TMC1: variants seen among roughly 807,000 people sequenced by gnomAD.
The protein encoded by TMC1 is transmembrane channel-like protein 1.
In TMC1, 84 loss-of-function variants were observed where a neutral mutation model predicts 105.8. The ratio of observed to expected loss-of-function variants is 0.79; its 90% CI spans 0.67 to 0.95. The LOEUF (loss-of-function observed/expected upper bound fraction) is 0.95, where lower values mean the gene tolerates loss of function less well. TMC1 is among the 40% of genes least tolerant of loss of function. The pLI is 0.00. For missense variants in TMC1, 817 were observed against 914.1 expected (o/e 0.89, Z 1.37); for synonymous variants, 315 against 311.5 (o/e 1.01, Z -0.12).
At chr9:72,544,890 CT>C (rs1222926771) in intron 1 of TMC1, among the ~76,000 whole-genome samples, 1 of 151,536 alleles carries the variant, frequency 6.6e-6, no homozygotes, top group Non-Finnish European at 1.5e-5. Context: ...CACCCATCAC[CT>C]GAGCAGCGTA....
At chr9:72,743,020 G>C (rs1341195056) in intron 10 of TMC1, among the ~76,000 whole-genome samples, 1 of 151,932 alleles carries the variant, frequency 6.6e-6, no homozygotes, top group African/African-American at 2.4e-5. Context: ...CAGATCACTT[G>C]AGGTCAGGAG....
intron 8 of TMC1, among the ~76,000 whole-genome samples, chr9:72,727,570 C>A (rs1250185433): frequency 1.3e-5 from 2 of 151,840 alleles, no homozygotes; most frequent in Non-Finnish European, 2.9e-5. Context: ...TAAAAATATT[C>A]CCACAGTAAA....
chr9:72,538,864 T>A (rs1823630043), intron 1 of TMC1, among the ~76,000 whole-genome samples: 1 of 152,198 alleles, frequency 6.6e-6, no homozygotes, highest in Non-Finnish European at 1.5e-5. Context: ...TCATATGATC[T>A]CTGTTTTAAT....
intron 1 of TMC1, among the ~76,000 whole-genome samples, chr9:72,574,342 A>G (rs1824338483): frequency 6.6e-6 from 1 of 152,204 alleles, no homozygotes; most frequent in Non-Finnish European, 1.5e-5. Context: ...TGGGCGCCCA[A>G]GCTCTTGGCT....
chr9:72,775,239 A>C (rs577139838), intron 13 of TMC1, among the ~76,000 whole-genome samples: 31 of 148,498 alleles, frequency 2.1e-4, no homozygotes, highest in African/African-American at 7.5e-4. Flanking sequence ...TCCTCCCTTC[A>C]TTCATTTCTT....
At chr9:72,569,661 G>C (rs1414520795) in intron 1 of TMC1, among the ~76,000 whole-genome samples, 1 of 152,150 alleles carries the variant, frequency 6.6e-6, no homozygotes, top group Non-Finnish European at 1.5e-5. Flanking sequence ...GGGAGATGAC[G>C]GGGCTACAGT....
At chr9:72,699,956 CAAAAAAAAAAAA>C (rs61062887) in intron 7 of TMC1, among the ~76,000 whole-genome samples, 2 of 46,582 alleles carry the variant, frequency 4.3e-5, no homozygotes, top group Non-Finnish European at 8.3e-5. Context: ...GACTCTGTCT[CAAAAAAAAAAAA>C]AAAAAAAAAA....
intron 17 of TMC1, among the ~76,000 whole-genome samples, chr9:72,795,726 G>A (rs1490150612): frequency 6.6e-6 from 1 of 152,046 alleles, no homozygotes; most frequent in Admixed American, 6.6e-5. Flanking sequence ...ACACTGTAAA[G>A]CAACCATACA....
intron 1 of TMC1, among the ~76,000 whole-genome samples, chr9:72,527,955 T>TG (rs1478193282): frequency 6.6e-6 from 1 of 152,172 alleles, no homozygotes; most frequent in African/African-American, 2.4e-5. Flanking sequence ...CCTGTTTTCT[T>TG]GCGATACTTC....
At chr9:72,749,483 G>A (rs1003946068) in intron 10 of TMC1, among the ~76,000 whole-genome samples, 3 of 152,086 alleles carry the variant, frequency 2.0e-5, no homozygotes, top group African/African-American at 7.2e-5. Flanking sequence ...TGTAGATAAC[G>A]GCCATGAAAT....
chr9:72,817,957 A>G (rs1828812744), intron 19 of TMC1, among the ~76,000 whole-genome samples: 2 of 152,170 alleles, frequency 1.3e-5, no homozygotes, highest in East Asian at 3.8e-4. Flanking sequence ...AAAGTTCCAG[A>G]AGCAAACTGA....
intron 8 of TMC1, among the ~76,000 whole-genome samples, chr9:72,722,457 A>G (rs770838461): frequency 2.0e-5 from 3 of 152,114 alleles, no homozygotes; most frequent in Non-Finnish European, 2.9e-5. Context: ...TTCTCTGCCA[A>G]CGCCCATAGA....
intron 1 of TMC1, among the ~76,000 whole-genome samples, chr9:72,535,865 C>T (rs1292065768): frequency 6.6e-6 from 1 of 152,134 alleles, no homozygotes; most frequent in Non-Finnish European, 1.5e-5. Context: ...CTCATGGGAA[C>T]TAATACAGTG....
chr9:72,639,074 C>T (rs1477639751), intron 4 of TMC1, among the ~76,000 whole-genome samples: 1 of 151,414 alleles, frequency 6.6e-6, no homozygotes, highest in Non-Finnish European at 1.5e-5. Flanking sequence ...TTTTAAAAAA[C>T]GTAAGTATGC....
chr9:72,817,456 T>G (rs1409831525), intron 19 of TMC1, among the ~76,000 whole-genome samples: 1 of 152,112 alleles, frequency 6.6e-6, no homozygotes, highest in Non-Finnish European at 1.5e-5. Flanking sequence ...AGGGAGCAGC[T>G]TCTGTGGGTT....
At chr9:72,822,235 A>C (rs1828886267) in intron 20 of TMC1, among the ~76,000 whole-genome samples, 1 of 152,186 alleles carries the variant, frequency 6.6e-6, no homozygotes, top group Non-Finnish European at 1.5e-5. Context: ...CTTTTCAGTG[A>C]AGGAAATGAG....
At position 72,623,154 on chromosome 9, in the gene TMC1, T is replaced by C. The variant is rs1231670786; in HGVS notation, c.-195-4767T>C. Among the ~76,000 whole-genome samples, 7 of 125,276 alleles carry C rather than the reference T, an allele frequency of 5.6e-5. No homozygotes were observed. The South Asian group carries it at 1.8e-3, about 33-fold the overall frequency. 82.2% of individuals were successfully genotyped at this position (125,276 alleles called of 152,430 possible). A position where few individuals can be genotyped will look rare whatever the true frequency, so the allele number is the denominator to read the frequency against. ...TCTTCTCTCTCTCTCCCTGTTTTTT[T>C]TTTTTTTCTTTTTTTTTTTTTTGTC... On this transcript the variant is annotated intron_variant, in intron 3 of 23. Coordinates refer to ENST00000297784, the MANE Select transcript of TMC1 (RefSeq NM_138691.3).
At chr9:72,576,633 C>T (rs200084303) in intron 1 of TMC1, among the ~76,000 whole-genome samples, 1,239 of 112,630 alleles carry the variant, frequency 0.011, 1 homozygote, top group Middle Eastern at 0.03. Flanking sequence ...TTTTTTTTTT[C>T]TTTTTTTTTT....
intron 13 of TMC1, among the ~76,000 whole-genome samples, chr9:72,783,425 A>G (rs552013949): frequency 4.3e-4 from 66 of 152,270 alleles, no homozygotes; most frequent in African/African-American, 1.6e-3. Flanking sequence ...GGATGAAAGG[A>G]AGCATCTAGT....
Sources: allele counts gnomAD v4.1 joint callset (sites outside exome capture counted in the v4.1 genomes callset), GRCh38; gene constraint gnomAD v4.1.1; transcripts MANE v1.5; gene names NCBI Gene and HGNC (gene_info 2026-07-23, HGNC 2026-07-21).